CDH18: variants seen among roughly 807,000 people sequenced by gnomAD.
CDH18 encodes cadherin-18.
In CDH18, 31 loss-of-function variants were observed where a neutral mutation model predicts 67.9. The ratio of observed to expected loss-of-function variants is 0.46; its 90% CI spans 0.34 to 0.62. The LOEUF (loss-of-function observed/expected upper bound fraction) is 0.62. Among genes scored for constraint, CDH18 ranks in the 20% least tolerant of loss-of-function variants. CDH18 has a pLI of 0.01. For synonymous variants in CDH18, 362 were observed against 347.2 expected (o/e 1.04, Z -0.48); for missense variants, 890 against 975.5 (o/e 0.91, Z 1.17).
chr5:20,490,772 A>G (rs1384584104), intron 1 of CDH18, among the ~76,000 whole-genome samples: 1 of 152,168 alleles, frequency 6.6e-6, no homozygotes, highest in Non-Finnish European at 1.5e-5. Context: ...CCATATCTCT[A>G]AAATCATTCA....
At chr5:20,217,226 C>G (rs1238099903) in intron 2 of CDH18, among the ~76,000 whole-genome samples, 1 of 151,554 alleles carries the variant, frequency 6.6e-6, no homozygotes, top group Non-Finnish European at 1.5e-5. Context: ...AATAAGTGGA[C>G]AGAAAACAGA....
intron 1 of CDH18, among the ~76,000 whole-genome samples, chr5:20,534,250 T>G (rs1756581937): frequency 6.6e-6 from 1 of 152,066 alleles, no homozygotes; most frequent in Non-Finnish European, 1.5e-5. Flanking sequence ...CAAACTATGG[T>G]TATTCTTTAA....
chr5:19,651,559 A>G (rs759865211), intron 5 of CDH18, among the ~76,000 whole-genome samples: 2 of 152,062 alleles, frequency 1.3e-5, no homozygotes, highest in African/African-American at 2.4e-5. Flanking sequence ...AAGTTTAATC[A>G]GAGACAGTAT....
At chr5:20,443,446 G>C (rs985165679) in intron 1 of CDH18, among the ~76,000 whole-genome samples, 5 of 151,640 alleles carry the variant, frequency 3.3e-5, no homozygotes, top group African/African-American at 1.2e-4. Context: ...ATTGTGTAAA[G>C]GCTCAATCTG....
chr5:20,188,473 ATTG>A (rs1265888510), intron 2 of CDH18, among the ~76,000 whole-genome samples: 4 of 151,942 alleles, frequency 2.6e-5, no homozygotes, highest in South Asian at 2.1e-4. Context: ...CATTATTATA[ATTG>A]TTGTCATCAT....
chr5:20,531,437 G>A (rs1756391448), intron 1 of CDH18, among the ~76,000 whole-genome samples: 1 of 151,956 alleles, frequency 6.6e-6, no homozygotes, highest in East Asian at 1.9e-4. Context: ...ATACATCGAT[G>A]TGTATGCTCA....
intron 1 of CDH18, among the ~76,000 whole-genome samples, chr5:20,575,051 C>A (rs1321574193): frequency 1.3e-5 from 2 of 151,372 alleles, no homozygotes; most frequent in African/African-American, 4.9e-5. Context: ...AATATAATAA[C>A]TGATAGTTAA....
At chr5:19,499,965 T>C (rs1018028102) in intron 11 of CDH18, among the ~76,000 whole-genome samples, 1 of 152,136 alleles carries the variant, frequency 6.6e-6, no homozygotes, top group Non-Finnish European at 1.5e-5. Flanking sequence ...ATGTGAGAAG[T>C]AGGCACAGAA....
At chr5:19,700,283 T>C (rs1370485218) in intron 5 of CDH18, among the ~76,000 whole-genome samples, 1 of 152,164 alleles carries the variant, frequency 6.6e-6, no homozygotes, top group Admixed American at 6.6e-5. Context: ...ACAGCACATA[T>C]CTAAACAACT....
intron 2 of CDH18, among the ~76,000 whole-genome samples, chr5:20,134,408 C>T (rs1749525687): frequency 6.6e-6 from 1 of 152,162 alleles, no homozygotes; most frequent in African/African-American, 2.4e-5. Context: ...TGTGTCTAGT[C>T]TACTTATTAA....
chr5:20,547,560 GA>G (rs11411726), intron 1 of CDH18, among the ~76,000 whole-genome samples: 46 of 141,100 alleles, frequency 3.3e-4, no homozygotes, highest in Middle Eastern at 7.5e-3. Context: ...GACTCTGTCA[GA>G]AAAAAAAAAA....
chr5:20,006,300 A>T (rs1561706750), intron 2 of CDH18, among the ~76,000 whole-genome samples: 1 of 151,884 alleles, frequency 6.6e-6, no homozygotes, highest in East Asian at 1.9e-4. Context: ...CCACAGAAGT[A>T]GGGAGTTAAT....
At chr5:19,475,848 T>C (rs577618336) in intron 12 of CDH18, among the ~76,000 whole-genome samples, 6 of 152,180 alleles carry the variant, frequency 3.9e-5, no homozygotes, top group African/African-American at 1.4e-4. Flanking sequence ...CTAACTCTGA[T>C]AAAGAACATA....
At chr5:19,532,653 C>G (rs896810025) in intron 9 of CDH18, among the ~76,000 whole-genome samples, 2 of 152,074 alleles carry the variant, frequency 1.3e-5, no homozygotes, top group African/African-American at 2.4e-5. Flanking sequence ...GATTAAGACC[C>G]AAAGCCCAAA....
intron 5 of CDH18, among the ~76,000 whole-genome samples, chr5:19,669,294 A>G (rs961892071): frequency 6.9e-6 from 1 of 145,908 alleles, no homozygotes; most frequent in Non-Finnish European, 1.5e-5. Context: ...AATATTATAT[A>G]ATATATATAT....
chr5:20,472,222 A>G (rs1192096071), intron 1 of CDH18, among the ~76,000 whole-genome samples: 1 of 152,230 alleles, frequency 6.6e-6, no homozygotes, highest in Non-Finnish European at 1.5e-5. Flanking sequence ...ATGAGGTTCA[A>G]GAGGTCTGGG....
intron 2 of CDH18, among the ~76,000 whole-genome samples, chr5:20,103,641 G>A (rs1329761902): frequency 1.3e-5 from 2 of 151,396 alleles, no homozygotes; most frequent in African/African-American, 2.4e-5. Flanking sequence ...GCTGAGGCAG[G>A]AGAATCACTT....
At chr5:20,407,328 A>T (rs1746355302) in intron 1 of CDH18, among the ~76,000 whole-genome samples, 1 of 152,128 alleles carries the variant, frequency 6.6e-6, no homozygotes, top group African/African-American at 2.4e-5. Context: ...TACTCTAGAC[A>T]CCTAGGGGCC....
At chr5:19,611,500 G>A (rs1748957498) in intron 6 of CDH18, among the ~76,000 whole-genome samples, 1 of 152,124 alleles carries the variant, frequency 6.6e-6, no homozygotes, top group Non-Finnish European at 1.5e-5. Flanking sequence ...TATATTTTAG[G>A]AGGAGGCAGT....
Sources: allele counts gnomAD v4.1 joint callset (sites outside exome capture counted in the v4.1 genomes callset), GRCh38; gene constraint gnomAD v4.1.1; transcripts MANE v1.5; gene names NCBI Gene and HGNC (gene_info 2026-07-23, HGNC 2026-07-21).